DGKI: variants seen among roughly 807,000 people sequenced by gnomAD.
DGKI encodes diacylglycerol kinase iota, also known as DAG kinase iota.
Under a neutral mutation model 147.5 loss-of-function variants are expected in DGKI, and 55 were observed. That is an observed-to-expected ratio of 0.37 (90% CI 0.30 to 0.47). DGKI has a LOEUF of 0.47. Among genes scored for constraint, DGKI ranks in the 20% least tolerant of loss-of-function variants. The probability of loss-of-function intolerance (pLI) is 1.00; values close to 1 mark genes in which losing one functional copy is unlikely to be tolerated. For missense variants in DGKI, 1,007 were observed against 1,323.8 expected (o/e 0.76, Z 3.71); for synonymous variants, 469 against 477.1 (o/e 0.98, Z 0.22).
At position 137,484,014 on chromosome 7, in the gene DGKI, T is replaced by C. The variant is rs187029276; in HGVS notation, c.2373+1360A>G. 2.5e-3 allele frequency among the ~76,000 whole-genome samples: 381 copies of C among 152,238 alleles called. 1 individual carries two copies. The highest frequency in any genetic ancestry group is 8.8e-3 in the African/African-American group (366 of 41,562). On this transcript the variant is annotated intron_variant, in intron 23 of 32. Transcript: ENST00000614521. ...TGGTGGAAATTTGTCTTCTAGTGTT[T>C]GGTAAAAACAGTCTAGAAGAAGTTC...
intron 1 of DGKI, among the ~76,000 whole-genome samples, chr7:137,822,909 T>A: frequency 3.5e-5 from 5 of 144,308 alleles, no homozygotes; most frequent in East Asian, 2.1e-4. Flanking sequence ...AATGAGGAAA[T>A]CTCCCAGAAA....
Position 137,641,433 on chromosome 7 carries a change from G to A in DGKI, c.804+4039C>T, listed in dbSNP as rs189204847. Among the ~76,000 whole-genome samples the A allele has an allele frequency of 3.9e-5, 6 of 152,256 alleles. No individual in the cohort carries two copies. In the East Asian group the frequency reaches 7.7e-4, roughly 20 times the overall value. On this transcript the variant is annotated intron_variant, in intron 6 of 32. Coordinates refer to ENST00000614521, the MANE Select transcript of DGKI (RefSeq NM_001321708.2). ...TGCTTCAAAACCCAAAACCTTTTGA[G>A]TGCCAACATGATGCCACAAGTGGAA...
chr7:137,672,466 C>T (rs1307171392), intron 3 of DGKI, among the ~76,000 whole-genome samples: 1 of 152,174 alleles, frequency 6.6e-6, no homozygotes, highest in Non-Finnish European at 1.5e-5. Flanking sequence ...AACACTTTTC[C>T]ACTGAATACT....
At chr7:137,517,325 A>AAGAAAGAAAG (rs1456560404) in intron 21 of DGKI, among the ~76,000 whole-genome samples, 1 of 137,580 alleles carries the variant, frequency 7.3e-6, no homozygotes, top group Admixed American at 7.1e-5. Context: ...GAAAGAAAGA[A>AAGAAAGAAAG]AGAAAGAAAG....
intron 7 of DGKI, 90 bp downstream of exon 7, chr7:137,623,393 C>G: frequency 8.0e-7 from 1 of 1,247,032 alleles, no homozygotes; most frequent in Non-Finnish European, 1.2e-6. Flanking sequence ...TTAGGAATGC[C>G]TTCTACTTCC....
In DGKI at chr7:137,692,658, G is replaced by A. The variant is rs570664624; in HGVS notation, c.402-2656C>T. ...ATCAAATTAGGATTCAAGGATGCAAGCCACGTGTGTCTATGAAAGATAATG... is the reference window on the plus strand; with the variant it reads ...ATCAAATTAGGATTCAAGGATGCAAACCACGTGTGTCTATGAAAGATAATG... On this transcript the variant is annotated intron_variant, in intron 1 of 32. Transcript: ENST00000614521. Among the ~76,000 whole-genome samples the A allele has an allele frequency of 1.5e-3, 221 of 152,286 alleles. 1 individual carries two copies. Among genetic ancestry groups the A allele is most frequent in the Non-Finnish European group, 2.9e-3 (195 of 68,022 alleles).
rs750976786 is a variant in DGKI, at chr7:137,786,241, C to T, written c.401+60221G>A. Among the ~76,000 whole-genome samples, 39 of 152,030 alleles carry T rather than the reference C, an allele frequency of 2.6e-4. 1 individual carries two copies. The highest frequency in any genetic ancestry group is 7.4e-5 in the Non-Finnish European group (5 of 67,940). On this transcript the variant is annotated intron_variant, in intron 1 of 32. Transcript: ENST00000614521. ...GAAAACCCTAGAGTTATCCAGAAAGCTCCTAGAACTGGTAAATGAATTCAG... is the reference window on the plus strand; with the variant it reads ...GAAAACCCTAGAGTTATCCAGAAAGTTCCTAGAACTGGTAAATGAATTCAG...
intron 28 of DGKI, among the ~76,000 whole-genome samples, chr7:137,413,513 T>G (rs1812244332): frequency 6.6e-6 from 1 of 152,160 alleles, no homozygotes; most frequent in Admixed American, 6.5e-5. Context: ...TAGCTCCCAC[T>G]TACAAGTAAG....
intron 19 of DGKI, among the ~76,000 whole-genome samples, chr7:137,555,595 C>A (rs1354410471): frequency 1.3e-5 from 2 of 151,880 alleles, no homozygotes; most frequent in African/African-American, 4.8e-5. Flanking sequence ...GAAAATCATG[C>A]AGGAATTTTA....
At chr7:137,509,476 G>C (rs1034354970) in intron 21 of DGKI, among the ~76,000 whole-genome samples, 1 of 152,192 alleles carries the variant, frequency 6.6e-6, no homozygotes, top group Non-Finnish European at 1.5e-5. Context: ...AAAGGAGCAA[G>C]AGTGACAGTG....
At chr7:137,842,810 A>G (rs555932292) in intron 1 of DGKI, among the ~76,000 whole-genome samples, 30 of 152,244 alleles carry the variant, frequency 2.0e-4, no homozygotes, top group African/African-American at 6.5e-4. Context: ...AATTATATAG[A>G]CAAAGGGCCA....
chr7:137,564,451 G>T (rs922236865), intron 19 of DGKI, among the ~76,000 whole-genome samples: 2 of 151,622 alleles, frequency 1.3e-5, no homozygotes, highest in South Asian at 2.1e-4. Context: ...TAAACAAAAA[G>T]AATTTATTTT....
At chr7:137,438,454 A>G (rs1563019359) in intron 28 of DGKI, among the ~76,000 whole-genome samples, 2 of 152,132 alleles carry the variant, frequency 1.3e-5, no homozygotes, top group Non-Finnish European at 2.9e-5. Flanking sequence ...ATGTAGATCA[A>G]TGGGAACTCT....
chr7:137,652,192 T>G (rs1250238201), intron 5 of DGKI, among the ~76,000 whole-genome samples: 2 of 151,862 alleles, frequency 1.3e-5, no homozygotes, highest in African/African-American at 4.8e-5. Flanking sequence ...AATGAGGGGA[T>G]GAAAATATAT....
intron 12 of DGKI, among the ~76,000 whole-genome samples, chr7:137,596,030 A>AAAAAAAAAAG (rs1819784811): frequency 7.5e-6 from 1 of 132,810 alleles, no homozygotes; most frequent in African/African-American, 3.7e-5. Flanking sequence ...AAAAAAAAAA[A>AAAAAAAAAAG]AAAGAAAGAA....
At chr7:137,410,614 A>G (rs1812126878) in intron 29 of DGKI, among the ~76,000 whole-genome samples, 1 of 152,224 alleles carries the variant, frequency 6.6e-6, no homozygotes, top group Non-Finnish European at 1.5e-5. Context: ...TTTATTTAAA[A>G]GTACAAAAAA....
intron 1 of DGKI, 86 bp from the exon 2 acceptor site, chr7:137,690,088 G>C (rs1823554465): frequency 1.1e-6 from 1 of 927,772 alleles, no homozygotes; most frequent in Non-Finnish European, 1.6e-6. Context: ...CCATGGGGTA[G>C]AAACAATGCC....
intron 20 of DGKI, among the ~76,000 whole-genome samples, chr7:137,539,593 G>C (rs934062209): frequency 1.3e-5 from 2 of 152,048 alleles, no homozygotes; most frequent in South Asian, 4.2e-4. Flanking sequence ...TAAAACTAAC[G>C]TTGTAACCAC....
rs1355268694 is a variant in DGKI, at chr7:137,846,527, C to T, written c.336G>A (p.Lys112=). The T allele has an allele frequency of 1.3e-5, 21 of 1,568,680 alleles. No homozygotes were observed. The highest frequency in any genetic ancestry group is 1.7e-5 in the Non-Finnish European group (20 of 1,161,206). ...ALDEPAAAGQ[K]EKDEALEEKL... ...TCTCCTCCAGCGCTTCGTCCTTCTCCTTCTGGCCGGCGGCCGCGGGCTCGT... is the reference window on the plus strand; with the variant it reads ...TCTCCTCCAGCGCTTCGTCCTTCTCTTTCTGGCCGGCGGCCGCGGGCTCGT... The change falls in exon 1 of 33, where the codon AAG becomes AAA. Residue 112 remains lysine (K), a synonymous_variant. Transcript: ENST00000614521. The surrounding 1 kb of genome is among the most constrained non-coding windows in gnomAD (Gnocchi z 4.0).
Sources: allele counts gnomAD v4.1 joint callset (sites outside exome capture counted in the v4.1 genomes callset), GRCh38; gene constraint gnomAD v4.1.1; non-coding constraint Gnocchi (gnomAD v3.1); transcripts MANE v1.5; gene names NCBI Gene and HGNC (gene_info 2026-07-23, HGNC 2026-07-21).